The following CTNNA3 variants were observed in gnomAD, a reference collection of about 807,000 sequenced individuals.
CTNNA3 encodes the protein catenin alpha-3.
A neutral mutation model predicts 95.7 loss-of-function variants in CTNNA3; 76 were observed. The ratio of observed to expected loss-of-function variants is 0.79; its 90% CI spans 0.66 to 0.96. CTNNA3 has a LOEUF of 0.96. CTNNA3 is among the 40% of genes least tolerant of loss of function. The pLI, the probability that CTNNA3 is intolerant of heterozygous loss-of-function variation, is 0.00. For missense variants in CTNNA3, 1,191 were observed against 1,089.8 expected (o/e 1.09, Z -1.31); for synonymous variants, 431 against 374.4 (o/e 1.15, Z -1.74).
At chr10:66,125,089 A>G (rs972336886) in intron 13 of CTNNA3, among the ~76,000 whole-genome samples, 2 of 152,236 alleles carry the variant, frequency 1.3e-5, no homozygotes, top group Admixed American at 1.3e-4. Context: ...TCACCAGCAC[A>G]TCTGCCCTTC....
intron 1 of CTNNA3, among the ~76,000 whole-genome samples, chr10:67,649,455 A>C (rs1445924817): frequency 6.6e-6 from 1 of 152,198 alleles, no homozygotes; most frequent in East Asian, 1.9e-4. Context: ...AAGACAACCT[A>C]ATTTAGCCAA....
At chr10:66,484,376 G>A (rs1019323822) in intron 11 of CTNNA3, among the ~76,000 whole-genome samples, 2 of 152,042 alleles carry the variant, frequency 1.3e-5, no homozygotes, top group Admixed American at 1.3e-4. Context: ...AAGAGGATAA[G>A]TGAATGCATT....
chr10:67,127,979 A>C (rs1859803139), intron 7 of CTNNA3, among the ~76,000 whole-genome samples: 1 of 152,090 alleles, frequency 6.6e-6, no homozygotes, highest in Admixed American at 6.5e-5. Context: ...TTTACTACCC[A>C]TGTTTTTCCT....
chr10:66,877,880 T>A (rs56321915), intron 7 of CTNNA3, among the ~76,000 whole-genome samples: 41,919 of 152,044 alleles, frequency 0.28, 6,498 homozygotes, highest in Non-Finnish European at 0.36. Context: ...TCCAGATTTA[T>A]AGAGATTTAT....
chr10:67,279,639 T>C (rs1839318700), intron 5 of CTNNA3, among the ~76,000 whole-genome samples: 1 of 141,982 alleles, frequency 7.0e-6, no homozygotes, highest in African/African-American at 2.7e-5. Flanking sequence ...ACCTTTTATC[T>C]GTAGCTATCT....
Position 65,950,404 on chromosome 10 carries a change from T to C in CTNNA3, c.2400+16208A>G, listed in dbSNP as rs374429990. 2.6e-3 allele frequency among the ~76,000 whole-genome samples: 395 copies of C among 152,318 alleles called. 2 individuals carry two copies. Among genetic ancestry groups the C allele is most frequent in the African/African-American group, 9.1e-3 (378 of 41,564 alleles). On this transcript the variant is annotated intron_variant, in intron 17 of 17. Transcript: ENST00000433211. ...AGAATCTACAGCTACTTGATTTTTT[T>C]TTTTGTCTTCTCTCCCCTTTTCTTC...
At chr10:67,491,999 T>C (rs892630639) in intron 5 of CTNNA3, among the ~76,000 whole-genome samples, 6 of 152,088 alleles carry the variant, frequency 3.9e-5, no homozygotes, top group Admixed American at 2.0e-4. Flanking sequence ...GGATAAAATC[T>C]TGAATTGAAG....
intron 13 of CTNNA3, among the ~76,000 whole-genome samples, chr10:66,233,441 T>A (rs112180771): frequency 0.011 from 1,710 of 152,176 alleles, 26 homozygotes; most frequent in African/African-American, 0.039. Flanking sequence ...GACCAATGAA[T>A]AACATTTAGA....
chr10:67,659,593 AAAG>A (rs139653618), intron 1 of CTNNA3, among the ~76,000 whole-genome samples: 20,127 of 152,188 alleles, frequency 0.13, 2,385 homozygotes, highest in African/African-American at 0.32. Context: ...AATTGAAGTC[AAAG>A]AAGAAGCTAA....
At chr10:65,925,014 A>T (rs1038711598) in intron 17 of CTNNA3, among the ~76,000 whole-genome samples, 2 of 152,164 alleles carry the variant, frequency 1.3e-5, no homozygotes, top group African/African-American at 4.8e-5. Flanking sequence ...CCCATGACAC[A>T]TGGGGATTAC....
At chr10:66,721,134 G>A (rs1848615718) in intron 9 of CTNNA3, among the ~76,000 whole-genome samples, 1 of 152,188 alleles carries the variant, frequency 6.6e-6, no homozygotes, top group Non-Finnish European at 1.5e-5. Context: ...GGGCTAGAGT[G>A]AGAGTTCAGA....
At chr10:66,173,208 TA>T (rs955723937) in intron 13 of CTNNA3, among the ~76,000 whole-genome samples, 1 of 152,090 alleles carries the variant, frequency 6.6e-6, no homozygotes, top group African/African-American at 2.4e-5. Context: ...TGTGGAACCT[TA>T]AAAAACATCT....
At chr10:67,165,939 C>T (rs886945885) in intron 7 of CTNNA3, among the ~76,000 whole-genome samples, 1 of 152,176 alleles carries the variant, frequency 6.6e-6, no homozygotes, top group African/African-American at 2.4e-5. Context: ...CATATCTCTG[C>T]TATGCACCAA....
intron 13 of CTNNA3, among the ~76,000 whole-genome samples, chr10:66,259,241 C>A (rs1222458571): frequency 6.6e-6 from 1 of 152,096 alleles, no homozygotes; most frequent in Admixed American, 6.6e-5. Flanking sequence ...TTTTCATGAT[C>A]CTCATTCCCT....
In CTNNA3 at chr10:67,663,530, T is replaced by A. The variant is rs948513909; in HGVS notation, c.-5-16012A>T. On this transcript the variant is annotated intron_variant, in intron 1 of 17. Transcript: ENST00000433211. ...CCCTGTGCTCCTCTGCACAACGGCC[T>A]CCCTCCCAGGATCTGGGGCAGCCGC... Among the ~76,000 whole-genome samples the A allele has an allele frequency of 3.3e-5, 5 of 151,990 alleles. No individual in the cohort carries two copies. In the South Asian group the frequency reaches 1.0e-3, roughly 32 times the overall value.
At chr10:66,681,459 C>T (rs895896269) in intron 9 of CTNNA3, among the ~76,000 whole-genome samples, 2 of 152,090 alleles carry the variant, frequency 1.3e-5, no homozygotes, top group Admixed American at 6.6e-5. Flanking sequence ...TTTACTGGCT[C>T]TTAAAAAATC....
intron 5 of CTNNA3, among the ~76,000 whole-genome samples, chr10:67,330,891 A>C (rs1320872727): frequency 2.0e-5 from 3 of 152,192 alleles, no homozygotes; most frequent in Non-Finnish European, 4.4e-5. Flanking sequence ...TCCAGCACCA[A>C]AGCTAAGATC....
intron 14 of CTNNA3, among the ~76,000 whole-genome samples, chr10:66,100,705 G>T (rs1437628804): frequency 6.6e-6 from 1 of 152,114 alleles, no homozygotes; most frequent in Non-Finnish European, 1.5e-5. Flanking sequence ...AACCTATAAT[G>T]GGCAGCCAGT....
At chr10:66,856,230 A>G (rs1254111383) in intron 7 of CTNNA3, among the ~76,000 whole-genome samples, 1 of 152,040 alleles carries the variant, frequency 6.6e-6, no homozygotes, top group Non-Finnish European at 1.5e-5. Context: ...AGCTCCAACC[A>G]TGTTGTGGCA....
Sources: allele counts gnomAD v4.1 joint callset (sites outside exome capture counted in the v4.1 genomes callset), GRCh38; gene constraint gnomAD v4.1.1; transcripts MANE v1.5; gene names NCBI Gene and HGNC (gene_info 2026-07-23, HGNC 2026-07-21).